The following UGT2A3 variants were observed in gnomAD, a reference collection of about 807,000 sequenced individuals.
UGT2A3 encodes the protein UDP-glucuronosyltransferase 2A3.
A neutral mutation model predicts 44.1 loss-of-function variants in UGT2A3; 55 were observed. The observed-to-expected ratio is 1.25, with a 90% confidence interval of 1.00 to 1.56. The LOEUF (loss-of-function observed/expected upper bound fraction) is 1.56. UGT2A3 is among the 40% of genes most tolerant of loss of function. The probability of loss-of-function intolerance (pLI) is 0.00; values close to 1 mark genes in which losing one functional copy is unlikely to be tolerated. For synonymous variants in UGT2A3, 243 were observed against 215.1 expected (o/e 1.13, Z -1.13); for missense variants, 733 against 621.6 (o/e 1.18, Z -1.91).
chr4:68,932,976 C>T (rs1385596989), intron 2 of UGT2A3, among the ~76,000 whole-genome samples: 5 of 151,848 alleles, frequency 3.3e-5, no homozygotes, highest in East Asian at 1.9e-4. Flanking sequence ...CTAGAAAAGG[C>T]GCACAACCAA....
chr4:68,932,464 G>T (rs1362018965), intron 3 of UGT2A3, among the ~76,000 whole-genome samples, 164 bp downstream of exon 3: 1 of 151,780 alleles, frequency 6.6e-6, no homozygotes, highest in Admixed American at 6.6e-5. Context: ...GTAACAGCAA[G>T]ACTCAGTAGG....
At position 68,947,495 on chromosome 4, in the gene UGT2A3, A is replaced by G. The variant is rs1444776734; in HGVS notation, c.716-2041T>C. On this transcript the variant is annotated intron_variant, in intron 1 of 5. Coordinates refer to ENST00000251566, the MANE Select transcript of UGT2A3 (RefSeq NM_024743.4). Reference sequence around the variant, plus strand: ...CACATGATGTCTTCAATCCCTCAAAATCATCCAGGAGAGTTAGAATCAAAT... The same window carrying G: ...CACATGATGTCTTCAATCCCTCAAAGTCATCCAGGAGAGTTAGAATCAAAT... Among the ~76,000 whole-genome samples, 3 of 151,808 alleles carry G rather than the reference A, an allele frequency of 2.0e-5. No individual in the cohort carries two copies. The East Asian group carries it at 5.8e-4, about 30-fold the overall frequency.
chr4:68,938,201 T>A (rs1265427451), intron 2 of UGT2A3, among the ~76,000 whole-genome samples: 2 of 152,080 alleles, frequency 1.3e-5, no homozygotes, highest in Admixed American at 1.3e-4. Flanking sequence ...CCCTAACTCA[T>A]GTTATGAGGC....
intron 2 of UGT2A3, among the ~76,000 whole-genome samples, chr4:68,941,055 T>G (rs1718169683): frequency 6.6e-6 from 1 of 151,564 alleles, no homozygotes; most frequent in African/African-American, 2.4e-5. Flanking sequence ...GGAGGCGAAT[T>G]TTTACTCTAT....
intron 2 of UGT2A3, among the ~76,000 whole-genome samples, chr4:68,938,309 A>G (rs1345185182): frequency 2.6e-5 from 4 of 152,096 alleles, no homozygotes; most frequent in Non-Finnish European, 5.9e-5. Context: ...AACCCTCAAT[A>G]AAATACTGGC....
intron 2 of UGT2A3, among the ~76,000 whole-genome samples, chr4:68,934,413 A>G (rs1717858276): frequency 6.6e-6 from 1 of 152,030 alleles, no homozygotes; most frequent in Non-Finnish European, 1.5e-5. Flanking sequence ...AACAAAGATT[A>G]GAGCAGAAAT....
intron 3 of UGT2A3, 22 bp downstream of exon 3, chr4:68,932,606 C>G: frequency 6.3e-7 from 1 of 1,588,542 alleles, no homozygotes; most frequent in Non-Finnish European, 8.5e-7. Flanking sequence ...AGCTGCTTAT[C>G]AGGATTGGAG....
chr4:68,938,909 C>G (rs1035375895), intron 2 of UGT2A3, among the ~76,000 whole-genome samples: 3 of 151,996 alleles, frequency 2.0e-5, no homozygotes, highest in Non-Finnish European at 4.4e-5. Flanking sequence ...ATAACAATAA[C>G]AGACAAACAG....
chr4:68,932,900 C>A (rs997559892), intron 2 of UGT2A3, 141 bp from the exon 3 acceptor site: 2 of 800,854 alleles, frequency 2.5e-6, no homozygotes, highest in Non-Finnish European at 3.9e-6. Flanking sequence ...ACACACAGAA[C>A]TATCTAGTCT....
At chr4:68,934,295 C>T (rs190807979) in intron 2 of UGT2A3, among the ~76,000 whole-genome samples, 7 of 151,836 alleles carry the variant, frequency 4.6e-5, no homozygotes, top group Admixed American at 1.3e-4. Context: ...AACGAACACA[C>T]ACATCAAAAA....
At chr4:68,949,199 G>C (rs981655366) in intron 1 of UGT2A3, among the ~76,000 whole-genome samples, 1 of 151,586 alleles carries the variant, frequency 6.6e-6, no homozygotes, top group African/African-American at 2.4e-5. Context: ...GATTTTGTAG[G>C]GTCAAGCAAA....
Position 68,929,920 on chromosome 4 carries a change from C to T in UGT2A3, c.1477G>A (p.Gly493Arg). 1 of 1,613,476 alleles carries T rather than the reference C, an allele frequency of 6.2e-7. No homozygotes were observed. Among genetic ancestry groups the T allele is most frequent in the Non-Finnish European group, 8.5e-7 (1 of 1,179,592 alleles). ...WFQHYSIDVI[G>R]FLLACVATAI... The stretch of plus-strand genomic sequence containing the variant: ...GTTGCCACACAGGCCAGCAGGAACC[C>T]AATCACATCTATAGAGTAGTGCTGG... Residue 493 changes from glycine (G) to arginine (R), a missense_variant, in exon 6 of 6, where the codon GGG (glycine) becomes AGG (arginine). Coordinates refer to ENST00000251566, the MANE Select transcript of UGT2A3 (RefSeq NM_024743.4).
chr4:68,949,930 C>G (rs1477459412), intron 1 of UGT2A3, among the ~76,000 whole-genome samples: 4 of 151,840 alleles, frequency 2.6e-5, no homozygotes, highest in Non-Finnish European at 5.9e-5. Flanking sequence ...TGGGGAATTT[C>G]TGAATGCATG....
chr4:68,933,439 C>A (rs1194160245), intron 2 of UGT2A3, among the ~76,000 whole-genome samples: 1 of 151,984 alleles, frequency 6.6e-6, no homozygotes, highest in Non-Finnish European at 1.5e-5. Context: ...TATGTTCCAT[C>A]CCACAGGAGG....
At chr4:68,946,946 C>G (rs755801079) in intron 1 of UGT2A3, among the ~76,000 whole-genome samples, 17 of 151,618 alleles carry the variant, frequency 1.1e-4, no homozygotes, top group Non-Finnish European at 4.4e-5. Flanking sequence ...CTAAAAAGTG[C>G]TAATAATAAG....
At chr4:68,937,761 A>G (rs527992947) in intron 2 of UGT2A3, among the ~76,000 whole-genome samples, 2 of 152,210 alleles carry the variant, frequency 1.3e-5, no homozygotes, top group African/African-American at 2.4e-5. Context: ...CAACAAATCA[A>G]TGAATCCAGG....
intron 4 of UGT2A3, 84 bp downstream of exon 4, chr4:68,931,071 G>T: frequency 3.6e-6 from 4 of 1,113,834 alleles, no homozygotes; most frequent in Non-Finnish European, 5.2e-6. Flanking sequence ...TATAATTTTA[G>T]ATCTTTGCTG....
intron 2 of UGT2A3, among the ~76,000 whole-genome samples, chr4:68,938,005 A>T (rs191592946): frequency 0.059 from 8,990 of 152,154 alleles, 324 homozygotes; most frequent in Non-Finnish European, 0.09. Flanking sequence ...CCAAGACTAA[A>T]TCAAGAAAAA....
At chr4:68,944,719 C>A (rs766554528) in intron 2 of UGT2A3, among the ~76,000 whole-genome samples, 1 of 151,700 alleles carries the variant, frequency 6.6e-6, no homozygotes, top group Non-Finnish European at 1.5e-5. Flanking sequence ...AACATTCTCA[C>A]GAGCTCAAAG....
Sources: gnomAD v4.1 joint callset for allele counts (sites outside exome capture counted in the v4.1 genomes callset) on GRCh38, gnomAD v4.1.1 for gene constraint, MANE v1.5 for transcripts, NCBI Gene and HGNC (gene_info 2026-07-23, HGNC 2026-07-21) for gene names.